The following MTERF2 variants were observed in gnomAD, a reference collection of about 807,000 sequenced individuals.
MTERF2 encodes transcription termination factor 2, mitochondrial.
MTERF2 carries 23 observed loss-of-function variants against 29.2 expected under a neutral mutation model. The observed-to-expected ratio is 0.79, with a 90% CI of 0.57 to 1.12. The LOEUF is 1.12. MTERF2 is among the 50% of genes most tolerant of loss of function. The pLI is 0.00. For synonymous variants in MTERF2, 157 were observed against 159.5 expected, an observed-to-expected ratio of 0.98 and a Z score of 0.12; for missense variants, 440 against 429.4, an observed-to-expected ratio of 1.02 and a Z score of -0.22.
At chr12:106,982,663 T>C (rs904585872) in intron 2 of MTERF2, among the ~76,000 whole-genome samples, 9 of 152,262 alleles carry the variant, frequency 5.9e-5, no homozygotes, top group Non-Finnish European at 1.2e-4. Flanking sequence ...ATTCCTTATA[T>C]TGAGCATTTA....
intron 2 of MTERF2, among the ~76,000 whole-genome samples, chr12:106,982,259 T>C (rs1369594681): frequency 6.6e-6 from 1 of 152,166 alleles, no homozygotes; most frequent in African/African-American, 2.4e-5. Flanking sequence ...ACTGGTCTCC[T>C]GTGTGTTACC....
In MTERF2 at chr12:106,983,287, G is replaced by C. The variant is rs376760596; in HGVS notation, c.-58+1828C>G. 3.9e-5 allele frequency among the ~76,000 whole-genome samples: 6 copies of C among 152,110 alleles called. No homozygotes were observed. The East Asian group carries it at 7.7e-4, about 20-fold the overall frequency. On this transcript the variant is annotated intron_variant, in intron 2 of 2. Coordinates refer to ENST00000240050, the MANE Select transcript of MTERF2 (RefSeq NM_001033050.3). ...TATCCCAAACACCAACTCTGTCTCT[G>C]TGCCCATTAAACAATAACTCTCCAT...
At chr12:106,980,304 A>C (rs974856927) in intron 2 of MTERF2, among the ~76,000 whole-genome samples, 3 of 152,216 alleles carry the variant, frequency 2.0e-5, no homozygotes, top group African/African-American at 7.2e-5. Context: ...TGGACAAAAA[A>C]TAGGAAGCTG....
chr12:106,984,042 CCT>C (rs1952082273), intron 2 of MTERF2, among the ~76,000 whole-genome samples: 1 of 152,222 alleles, frequency 6.6e-6, no homozygotes, highest in Non-Finnish European at 1.5e-5. Context: ...GAGAGCAGCT[CCT>C]CTCAGCAGAC....
intron 1 of MTERF2, chr12:106,986,236 A>ACTTGAAG (rs1306898461): frequency 6.6e-6 from 1 of 152,338 alleles, no homozygotes; most frequent in East Asian, 1.9e-4. Flanking sequence ...TTGTGTTGTG[A>ACTTGAAG]CTTGAAGAAG....
chr12:106,985,283 C>T (rs1952097383), intron 1 of MTERF2, 58 bp from the exon 2 acceptor site: 1 of 152,254 alleles, frequency 6.6e-6, no homozygotes, highest in South Asian at 2.1e-4. Context: ...AAATGCCTTA[C>T]CATGGCCTAC....
rs780331646 is a variant in MTERF2 at position 106,978,402 on chromosome 12, T to C, written c.313A>G (p.Ile105Val). ...TTAACAGCGGTTGGACTACAGACAA[T>C]TGCTTCCGGGCAGCGTTCCAAAATA... Reference protein sequence around the residue: ...ASILERCPEAIVCSPTAVNTQ... With the variant: ...ASILERCPEAVVCSPTAVNTQ... The change falls in exon 3 of 3, where the codon ATT becomes GTT. Residue 105 changes from isoleucine to valine, a missense_variant. Transcript: ENST00000240050. 2.5e-6 allele frequency: 4 copies of C among 1,614,232 alleles called. No individual in the cohort carries two copies. In the South Asian group the frequency reaches 3.3e-5, roughly 13 times the overall value.
rs1952009608 is a variant in MTERF2, at chr12:106,978,126, C to T, written c.589G>A (p.Asp197Asn). The T allele has an allele frequency of 1.2e-6, 2 of 1,614,146 alleles. No individual in the cohort carries two copies. Among genetic ancestry groups the T allele is most frequent in the Admixed American group, 1.7e-5 (1 of 60,020 alleles). Residue 197 changes from aspartate (D) to asparagine (N), a missense_variant, in exon 3 of 3, where the codon GAT becomes AAT. Asp to Asn is a conservative substitution (Grantham distance 23). Transcript: ENST00000240050. ...MVRILQESYLDVGGSEANMKV... is the reference protein window; with the variant it reads ...MVRILQESYLNVGGSEANMKV... ...ATGTTGGCCTCAGAGCCACCTACAT[C>T]TAGATAACTCTCTTGGAGAATTCTT... is the stretch of plus-strand genomic sequence containing the variant.
intron 2 of MTERF2, among the ~76,000 whole-genome samples, chr12:106,983,719 C>T (rs1029781911): frequency 2.0e-5 from 3 of 152,126 alleles, no homozygotes; most frequent in African/African-American, 7.2e-5. Flanking sequence ...TCTGAACAAT[C>T]CTTTCCTTCC....
intron 1 of MTERF2, chr12:106,986,717 C>T (rs188546921): frequency 6.6e-6 from 1 of 152,362 alleles, no homozygotes; most frequent in Admixed American, 6.5e-5. Flanking sequence ...TAAAGTTCTT[C>T]TTTCGTAACA....
Position 106,978,206 on chromosome 12 carries a change from A to C in MTERF2, c.509T>G (p.Leu170Trp), listed in dbSNP as rs746502467. The C allele has an allele frequency of 3.9e-5, 63 of 1,613,588 alleles. No homozygotes were observed. In the South Asian group the frequency reaches 5.9e-4, roughly 15 times the overall value. ...ATGAAAAACATTAGGTGCAGCTGTCAAAAGTCTGCTAATGACCACATTTTT... is the reference window on the plus strand; with the variant it reads ...ATGAAAAACATTAGGTGCAGCTGTCCAAAGTCTGCTAATGACCACATTTTT... ...GLKNVVISRLLTAAPNVFHNP... is the reference protein window; with the variant it reads ...GLKNVVISRLWTAAPNVFHNP... Residue 170 changes from leucine to tryptophan, a missense_variant, in exon 3 of 3, where the codon TTG becomes TGG. Physicochemically the swap from Leu to Trp is moderately conservative, Grantham distance 61. Transcript: ENST00000240050.
rs1941479710 is a variant in MTERF2, at chr12:106,978,485, A to C, written c.230T>G (p.Val77Gly). The C allele has an allele frequency of 6.2e-7, 1 of 1,614,220 alleles. No homozygotes were observed. ...GWVLLEDETY[V>G]EEIANILQEL... ...TTGTAAAATATTCGCAATTTCTTCA[A>C]CATAGGTTTCATCCTCTAAAAGTAC... The change falls in exon 3 of 3, where the codon GTT becomes GGT. Residue 77 changes from valine (V) to glycine (G), a missense_variant. By Grantham distance (109) the Val-to-Gly change is moderately radical. Coordinates refer to ENST00000240050, the MANE Select transcript of MTERF2 (RefSeq NM_001033050.3).
chr12:106,985,786 T>C lies in MTERF2; in HGVS notation c.-168-561A>G, dbSNP rs574745533. The C allele has an allele frequency of 2.0e-5, 3 of 152,380 alleles. No homozygotes were observed. In the East Asian group the frequency reaches 5.8e-4, roughly 29 times the overall value. 9.4% of individuals were successfully genotyped at this position (152,380 alleles called of 1,614,324 possible). ...TTATTATGCTCTTACAAGTTCTTCA[T>C]TCTTCCAACCAGTAGGAATTTTGTT... is the stretch of plus-strand genomic sequence containing the variant. On this transcript the variant is annotated intron_variant, in intron 1 of 2. Coordinates refer to ENST00000240050, the MANE Select transcript of MTERF2 (RefSeq NM_001033050.3).
chr12:106,986,865 G>A (rs146036495), intron 1 of MTERF2, 104 bp downstream of exon 1: 1 of 152,510 alleles, frequency 6.6e-6, no homozygotes, highest in Non-Finnish European at 1.5e-5. Flanking sequence ...AAACCCGGCA[G>A]GCTGAGCTGA....
chr12:106,984,693 T>C (rs1490112211), intron 2 of MTERF2, among the ~76,000 whole-genome samples: 2 of 152,216 alleles, frequency 1.3e-5, no homozygotes, highest in African/African-American at 4.8e-5. Flanking sequence ...TCATGAGATC[T>C]GATGGTTTTA....
chr12:106,977,474 G>C lies in MTERF2; in HGVS notation c.*83C>G. 1 of 1,233,906 alleles carries C rather than the reference G, an allele frequency of 8.1e-7. No homozygotes were observed. The highest frequency in any genetic ancestry group is 1.1e-6 in the Non-Finnish European group (1 of 884,764). 76.4% of individuals were successfully genotyped at this position (1,233,906 alleles called of 1,614,324 possible). A position where few individuals can be genotyped will look rare whatever the true frequency, so the allele number is the denominator to read the frequency against. On this transcript the variant is annotated 3_prime_UTR_variant, in exon 3 of 3. Coordinates refer to ENST00000240050, the MANE Select transcript of MTERF2 (RefSeq NM_001033050.3). ...GCTAAGCAGGTTCTTAAAATTACTG[G>C]TGTCTACAAACTGCCTGAATTTTTG...
In MTERF2 at chr12:106,977,655, C is replaced by A; in HGVS notation, c.1060G>T (p.Gly354Ter). The change falls in exon 3 of 3, where the codon GGA becomes TGA. Residue 354 changes from glycine to a stop codon, truncating the protein, a stop_gained. Coordinates refer to ENST00000240050, the MANE Select transcript of MTERF2 (RefSeq NM_001033050.3). LOFTEE classifies it high-confidence loss of function. ...IKDGHLANLN[G>*]SKKEFEANFG... is the part of the protein sequence containing the mutation. ...TTAGCTTCAAACTCTTTTTTTGATC[C>A]ATTTAGATTTGCTAGATGTCCATCC... 1 of 1,613,636 alleles carries A rather than the reference C, an allele frequency of 6.2e-7. No homozygotes were observed. The highest frequency in any genetic ancestry group is 2.2e-5 in the East Asian group (1 of 44,820).
rs1306532119 is a variant in MTERF2, at chr12:106,977,303, T to C, written c.*254A>G. ...TCACTTATAAAGTATCACACTGATATGCCATTTAATAGTATATGAGTTTTT... is the reference window on the plus strand; with the variant it reads ...TCACTTATAAAGTATCACACTGATACGCCATTTAATAGTATATGAGTTTTT... On this transcript the variant is annotated 3_prime_UTR_variant, in exon 3 of 3. Transcript: ENST00000240050. 1 of 318,882 alleles carries C rather than the reference T, an allele frequency of 3.1e-6. No homozygotes were observed. Among genetic ancestry groups the C allele is most frequent in the East Asian group, 5.9e-5 (1 of 17,006 alleles). The allele number at this position is 318,882 out of a possible 1,614,324, so 19.8% of individuals were successfully genotyped here.
In MTERF2 at chr12:106,978,025, T is replaced by G. The variant is rs1437924520; in HGVS notation, c.690A>C (p.Thr230=). 1.9e-6 allele frequency: 3 copies of G among 1,614,068 alleles called. No individual in the cohort carries two copies. Among genetic ancestry groups the G allele is most frequent in the Non-Finnish European group, 1.7e-6 (2 of 1,180,022 alleles). The change falls in exon 3 of 3, where the codon ACA becomes ACC. Residue 230 remains threonine (T), a synonymous_variant. Coordinates refer to ENST00000240050, the MANE Select transcript of MTERF2 (RefSeq NM_001033050.3). The part of the protein sequence containing the change: ...LLNSPTAIKE[T]LEFLQEQGFT... ...AACCTTGCTCCTGGAGAAATTCTAG[T>G]GTTTCCTTTATAGCTGTGGGAGAAT...
Sources: gnomAD v4.1 joint callset for allele counts (sites outside exome capture counted in the v4.1 genomes callset) on GRCh38, gnomAD v4.1.1 for gene constraint, MANE v1.5 for transcripts, NCBI Gene and HGNC (gene_info 2026-07-23, HGNC 2026-07-21) for gene names.